The following ASH1L variants were observed in gnomAD, a reference collection of about 807,000 sequenced individuals.
ASH1L encodes the protein histone-lysine N-methyltransferase ASH1L.
In ASH1L, 23 loss-of-function variants were observed where a neutral mutation model predicts 269.0. The ratio of observed to expected loss-of-function variants is 0.09; its 90% confidence interval spans 0.06 to 0.12. The LOEUF is 0.12. Among genes scored for constraint, ASH1L ranks in the 10% least tolerant of loss-of-function variants. The probability of loss-of-function intolerance (pLI) is 1.00; values close to 1 mark genes in which losing one functional copy is unlikely to be tolerated. For missense variants in ASH1L, 2,912 were observed against 3,567.8 expected, an observed-to-expected ratio of 0.82 and a Z score of 4.68; for synonymous variants, 1,187 against 1,253.5, an observed-to-expected ratio of 0.95 and a Z score of 1.12.
rs1420976621 is a variant in ASH1L at position 155,370,974 on chromosome 1, A to C, written c.6342T>G (p.Phe2114Leu). The C allele has an allele frequency of 6.2e-7, 1 of 1,614,094 alleles. No individual in the cohort carries two copies. Among genetic ancestry groups the C allele is most frequent in the East Asian group, 2.2e-5 (1 of 44,896 alleles). The change falls in exon 11 of 28, where the codon TTT (phenylalanine) becomes TTG (leucine). Residue 2114 changes from phenylalanine to leucine, a missense_variant. Around this residue, in one of 13 missense-constraint regions of ASH1L, gnomAD observed 193 missense variants for 311.6 expected, o/e 0.62. Transcript: ENST00000392403. ...GGCAAGTGTTGGGGGAACACTCAGCAAAGATCATTCTAGAAAAAAAAGGAA... is the reference window on the plus strand; with the variant it reads ...GGCAAGTGTTGGGGGAACACTCAGCCAAGATCATTCTAGAAAAAAAAGGAA... Reference protein sequence around the residue: ...CVDDCLNRMIFAECSPNTCPC... With the variant: ...CVDDCLNRMILAECSPNTCPC...
chr1:155,526,001 T>C (rs1423485057), intron 1 of ASH1L, among the ~76,000 whole-genome samples: 1 of 152,158 alleles, frequency 6.6e-6, no homozygotes, highest in Non-Finnish European at 1.5e-5. Flanking sequence ...TTTTGTATAA[T>C]TTTTTATTAT....
At chr1:155,374,322 CAAAAAAAGGAA>C (rs1009877708) in intron 10 of ASH1L, among the ~76,000 whole-genome samples, 11 of 147,566 alleles carry the variant, frequency 7.5e-5, no homozygotes, top group African/African-American at 2.5e-4. Context: ...GAGACTGTCT[CAAAAAAAGGAA>C]AAAAAAAAGT....
At chr1:155,433,620 A>T in intron 5 of ASH1L, 1 of 1,609,212 alleles carries the variant, frequency 6.2e-7, no homozygotes, top group Non-Finnish European at 8.5e-7. Flanking sequence ...AAAGAACTCG[A>T]ACAATTTGCC....
intron 3 of ASH1L, among the ~76,000 whole-genome samples, chr1:155,470,434 G>C (rs1027202941): frequency 6.6e-6 from 1 of 151,494 alleles, no homozygotes; most frequent in Admixed American, 6.6e-5. Context: ...ACTCCAGCCT[G>C]GCCAACAGAG....
chr1:155,526,285 C>A (rs1558193086), intron 1 of ASH1L, among the ~76,000 whole-genome samples: 1 of 152,152 alleles, frequency 6.6e-6, no homozygotes. Context: ...TAGCAAATGT[C>A]TTTTTTCCTG....
chr1:155,521,687 A>G (rs1288644179), intron 1 of ASH1L, 69 bp from the exon 2 acceptor site: 1 of 539,344 alleles, frequency 1.9e-6, no homozygotes. Flanking sequence ...AGTAATGGGT[A>G]TAGGGGAAGA....
Position 155,562,436 on chromosome 1 carries a change from C to T in ASH1L, c.-383G>A, listed in dbSNP as rs1558229636. 1.4e-6 allele frequency: 2 copies of T among 1,471,300 alleles called. No individual in the cohort carries two copies. Among genetic ancestry groups the T allele is most frequent in the East Asian group, 2.5e-5 (1 of 40,394 alleles). 91.1% of individuals were successfully genotyped at this position (1,471,300 alleles called of 1,614,324 possible). On this transcript the variant is annotated 5_prime_UTR_variant, in exon 1 of 28. Transcript: ENST00000392403. ...AAAATGGCGGCGGGAGCGGCGGCGG[C>T]GGCGGCGGCAGCAGCAGAGTGGCGG...
chr1:155,469,529 A>T (rs1032192473), intron 3 of ASH1L, among the ~76,000 whole-genome samples: 1 of 152,162 alleles, frequency 6.6e-6, no homozygotes, highest in Non-Finnish European at 1.5e-5. Flanking sequence ...AACCCACTGA[A>T]TTCACCATAA....
At chr1:155,349,667 G>T in intron 17 of ASH1L, 71 bp from the exon 18 acceptor site, 8 of 1,026,650 alleles carry the variant, frequency 7.8e-6, no homozygotes, top group South Asian at 1.4e-5. Flanking sequence ...CTAACTGGAA[G>T]AATAGAATCC....
At chr1:155,436,279 C>T (rs1166737731) in intron 5 of ASH1L, among the ~76,000 whole-genome samples, 1 of 151,584 alleles carries the variant, frequency 6.6e-6, no homozygotes, top group Non-Finnish European at 1.5e-5. Flanking sequence ...AACCTCTCCA[C>T]CTCCCGTGTT....
At position 155,344,238 on chromosome 1, in the gene ASH1L, T is replaced by C. The variant is rs1653042960; in HGVS notation, c.7926A>G (p.Gln2642=). 3 of 1,614,036 alleles carry C rather than the reference T, an allele frequency of 1.9e-6. No homozygotes were observed. Among genetic ancestry groups the C allele is most frequent in the Non-Finnish European group, 2.5e-6 (3 of 1,180,024 alleles). ...VPMIPRPHYA[Q]PGCVYFICLL... ...AACAGATGAAGTAGACACAGCCAGG[T>C]TGGGCATAGTGGGGCCGAGGGATCA... Residue 2642 remains glutamine, a synonymous_variant, in exon 22 of 28, where the codon CAA becomes CAG. Transcript: ENST00000392403.
chr1:155,530,673 T>A (rs113213125), intron 1 of ASH1L, among the ~76,000 whole-genome samples: 1 of 148,244 alleles, frequency 6.7e-6, no homozygotes, highest in Admixed American at 6.7e-5. Flanking sequence ...GAGGTGGAGG[T>A]TGCAGTGAGC....
chr1:155,448,727 C>A (rs956821789), intron 4 of ASH1L, among the ~76,000 whole-genome samples: 1 of 151,988 alleles, frequency 6.6e-6, no homozygotes, highest in Non-Finnish European at 1.5e-5. Flanking sequence ...AAACTCCTGA[C>A]CTGGTCATCT....
At chr1:155,470,597 G>GC (rs1665027179) in intron 3 of ASH1L, among the ~76,000 whole-genome samples, 1 of 149,270 alleles carries the variant, frequency 6.7e-6, no homozygotes, top group Non-Finnish European at 1.5e-5. Flanking sequence ...TGTTGCCCAG[G>GC]CCGGAGTGCA....
chr1:155,346,188 T>G, intron 21 of ASH1L, 195 bp downstream of exon 21: 1 of 1,495,304 alleles, frequency 6.7e-7, no homozygotes, highest in Non-Finnish European at 9.0e-7. Flanking sequence ...AAGTATTTTA[T>G]TTTCCCTTTG....
At position 155,479,705 on chromosome 1, in the gene ASH1L, T is replaced by G; in HGVS notation, c.3165A>C (p.Pro1055=). 1 of 1,614,198 alleles carries G rather than the reference T, an allele frequency of 6.2e-7. No homozygotes were observed. Among genetic ancestry groups the G allele is most frequent in the Non-Finnish European group, 8.5e-7 (1 of 1,180,014 alleles). The part of the protein sequence containing the change: ...IYIGKRRGRK[P]KTVLNGILSG... ...AAAGAATACCATTTAAGACAGTTTTTGGTTTGCGACCTCTTCTCTTTCCTA... is the reference window on the plus strand; with the variant it reads ...AAAGAATACCATTTAAGACAGTTTTGGGTTTGCGACCTCTTCTCTTTCCTA... The change falls in exon 3 of 28, where the codon CCA becomes CCC. Residue 1055 remains proline, a synonymous_variant. Coordinates refer to ENST00000392403, the MANE Select transcript of ASH1L (RefSeq NM_018489.3).
Position 155,343,353 on chromosome 1 carries a change from C to T in ASH1L, c.8254G>A (p.Gly2752Arg). 6.2e-7 allele frequency: 1 copy of T among 1,614,168 alleles called. No homozygotes were observed. The highest frequency in any genetic ancestry group is 8.5e-7 in the Non-Finnish European group (1 of 1,180,022). ...TAAAGGTCCAACACACAGCAGGTCC[C>T]CACTACAGCCTCCAAGGGAATGATC... ...YEIIPLEAVV[G>R]TCCVLDLYTY... is the part of the protein sequence containing the mutation. Residue 2752 changes from glycine (G) to arginine (R), a missense_variant, in exon 24 of 28, where the codon GGG (glycine) becomes AGG (arginine). Physicochemically the swap from Gly to Arg is moderately radical, Grantham distance 125. Around this residue, in one of 13 missense-constraint regions of ASH1L, gnomAD observed 179 missense variants for 293.8 expected, o/e 0.61. Coordinates refer to ENST00000392403, the MANE Select transcript of ASH1L (RefSeq NM_018489.3). This position sits in a 1 kb window ranked among gnomAD's most constrained non-coding sequence, Gnocchi z 6.1.
In ASH1L at chr1:155,362,974, A is replaced by C. The variant is rs138830854; in HGVS notation, c.6687-2565T>G. ...CATCCTGAATTCAGAAAGCATTTAA[A>C]AATTTTTATTTATTTATTTATTTTT... On this transcript the variant is annotated intron_variant, in intron 12 of 27. Coordinates refer to ENST00000392403, the MANE Select transcript of ASH1L (RefSeq NM_018489.3). Among the ~76,000 whole-genome samples the C allele has an allele frequency of 4.4e-3, 668 of 152,162 alleles. 29 individuals are homozygous for C. In the South Asian group the frequency reaches 0.088, roughly 20 times the overall value.
rs553589950 is a variant in ASH1L, at chr1:155,512,409, T to C, written c.420+8691A>G. On this transcript the variant is annotated intron_variant, in intron 2 of 27. Transcript: ENST00000392403. ...GCAAGCCTGGGTGACAGAGTGAGAC[T>C]CTGTCTTTTAAAAAAAAAGAAAGGC... 4.1e-5 allele frequency among the ~76,000 whole-genome samples: 6 copies of C among 147,982 alleles called. No homozygotes were observed. In the East Asian group the frequency reaches 1.3e-3, roughly 31 times the overall value.
Sources: gnomAD v4.1 joint callset for allele counts (sites outside exome capture counted in the v4.1 genomes callset) on GRCh38, gnomAD v4.1.1 for gene constraint, gnomAD v4.1.1 regional missense constraint, Gnocchi (gnomAD v3.1) non-coding constraint, MANE v1.5 for transcripts, NCBI Gene and HGNC (gene_info 2026-07-23, HGNC 2026-07-21) for gene names.